Variants in TOMM7 observed in about 807,000 individuals in gnomAD.
The protein encoded by TOMM7 is translocase of outer mitochondrial membrane 7.
A neutral mutation model predicts 9.5 loss-of-function variants in TOMM7; 8 were observed. The observed-to-expected ratio is 0.84, with a 90% CI of 0.49 to 1.51. The LOEUF is 1.51. TOMM7 is among the 40% of genes most tolerant of loss of function. The pLI is 0.00. For missense variants in TOMM7, 74 were observed against 63.7 expected (o/e 1.16, Z -0.55); for synonymous variants, 27 against 21.4 (o/e 1.26, Z -0.72).
At chr7:22,817,922 A>G (rs187790767) in intron 2 of TOMM7, 78 bp downstream of exon 2, 9 of 1,410,448 alleles carry the variant, frequency 6.4e-6, no homozygotes, top group Non-Finnish European at 9.0e-6. Context: ...GCCTGCCACT[A>G]TTACTCTTTT....
intron 2 of TOMM7, chr7:22,817,592 T>C (rs535692453): frequency 8.0e-4 from 147 of 184,526 alleles, no homozygotes; most frequent in Non-Finnish European, 9.4e-4. Context: ...TACTGAAAAA[T>C]TGAAAAACCT....
At chr7:22,820,805 G>A (rs928044103) in intron 1 of TOMM7, among the ~76,000 whole-genome samples, 1 of 152,026 alleles carries the variant, frequency 6.6e-6, no homozygotes, top group African/African-American at 2.4e-5. Flanking sequence ...GAAAAGTAAT[G>A]TTTTTTTAAA....
intron 2 of TOMM7, 61 bp downstream of exon 2, chr7:22,817,939 T>C: frequency 1.3e-6 from 2 of 1,489,320 alleles, no homozygotes; most frequent in Non-Finnish European, 1.9e-6. Flanking sequence ...TTTTACATCT[T>C]AGTGATTCAG....
At chr7:22,814,207 G>A (rs1443309191) in intron 2 of TOMM7, among the ~76,000 whole-genome samples, 1 of 151,032 alleles carries the variant, frequency 6.6e-6, no homozygotes, top group African/African-American at 2.4e-5. Context: ...AAAATTAGCC[G>A]GACTTGGTGG....
chr7:22,813,381 T>G (rs1223294404), intron 2 of TOMM7, among the ~76,000 whole-genome samples, 196 bp from the exon 3 acceptor site: 1 of 152,170 alleles, frequency 6.6e-6, no homozygotes, highest in Non-Finnish European at 1.5e-5. Flanking sequence ...ACTTTTCTTT[T>G]GAGCACAGTT....
chr7:22,822,017 A>G, intron 1 of TOMM7: 6 of 1,099,920 alleles, frequency 5.5e-6, no homozygotes, highest in Non-Finnish European at 7.5e-6. Flanking sequence ...AAAACCAAAA[A>G]AACCCCAAAT....
chr7:22,817,411 CTT>C (rs752811909), intron 2 of TOMM7: 34 of 151,580 alleles, frequency 2.2e-4, no homozygotes, highest in South Asian at 1.5e-3. Context: ...TAATTATTTA[CTT>C]TTTTTTTTTT....
intron 2 of TOMM7, among the ~76,000 whole-genome samples, chr7:22,814,931 C>T (rs1009084897): frequency 3.9e-5 from 6 of 152,144 alleles, no homozygotes; most frequent in African/African-American, 9.7e-5. Context: ...AAAACCATAG[C>T]AGGTATAATT....
At chr7:22,818,121 T>G (rs192906615) in intron 1 of TOMM7, 73 bp from the exon 2 acceptor site, 1 of 1,443,056 alleles carries the variant, frequency 6.9e-7, no homozygotes, top group African/African-American at 1.4e-5. Flanking sequence ...CAATCAAGAC[T>G]TTTTCTTCTT....
rs192820829 is a variant in TOMM7 at position 22,814,806 on chromosome 7, G to A, written c.153-1621C>T. Reference sequence around the variant, plus strand: ...CTCAAACAACCCAACAACCTGGCAAGGGAAACAAACTAGTAGATAATTAAC... The same window carrying A: ...CTCAAACAACCCAACAACCTGGCAAAGGAAACAAACTAGTAGATAATTAAC... On this transcript the variant is annotated intron_variant, in intron 2 of 2. Coordinates refer to ENST00000358435, the MANE Select transcript of TOMM7 (RefSeq NM_019059.5). 2.9e-3 allele frequency among the ~76,000 whole-genome samples: 436 copies of A among 152,162 alleles called. 2 individuals carry two copies. Among genetic ancestry groups the A allele is most frequent in the African/African-American group, 9.8e-3 (407 of 41,518 alleles).
At chr7:22,820,772 CCATA>C (rs1041368183) in intron 1 of TOMM7, among the ~76,000 whole-genome samples, 40 of 152,000 alleles carry the variant, frequency 2.6e-4, no homozygotes, top group Non-Finnish European at 2.9e-4. Flanking sequence ...TCCTTGGTAC[CCATA>C]CAAAGTCACT....
At chr7:22,814,429 G>A (rs957008344) in intron 2 of TOMM7, among the ~76,000 whole-genome samples, 5 of 151,570 alleles carry the variant, frequency 3.3e-5, no homozygotes, top group African/African-American at 1.2e-4. Context: ...TGAGGTGGGA[G>A]GACCACCTGA....
intron 1 of TOMM7, among the ~76,000 whole-genome samples, chr7:22,820,619 C>A (rs1443104946): frequency 6.6e-6 from 1 of 152,164 alleles, no homozygotes; most frequent in Non-Finnish European, 1.5e-5. Context: ...CAAGCTTCCA[C>A]ACCTCTCTTA....
chr7:22,822,847 A>G lies in TOMM7; in HGVS notation c.-68T>C. On this transcript the variant is annotated 5_prime_UTR_variant, in exon 1 of 3. Transcript: ENST00000358435. Reference sequence around the variant, plus strand: ...ACAGCGTCGGGAATCCGAAAGGGAAAGGAGGTGCGCAGGCGCCACACACGG... The same window carrying G: ...ACAGCGTCGGGAATCCGAAAGGGAAGGGAGGTGCGCAGGCGCCACACACGG... 7.4e-7 allele frequency: 1 copy of G among 1,354,534 alleles called. No homozygotes were observed. Among genetic ancestry groups the G allele is most frequent in the Non-Finnish European group, 1.1e-6 (1 of 945,994 alleles). The allele number at this position is 1,354,534 out of a possible 1,614,324, so 83.9% of individuals were successfully genotyped here.
intron 1 of TOMM7, among the ~76,000 whole-genome samples, chr7:22,820,904 A>G (rs773113173): frequency 1.5e-3 from 232 of 152,314 alleles, no homozygotes; most frequent in Non-Finnish European, 2.8e-3. Flanking sequence ...GGAGAAATAG[A>G]AACCACAGCT....
intron 1 of TOMM7, chr7:22,818,445 A>AT (rs1782344592): frequency 1.3e-5 from 2 of 159,328 alleles, no homozygotes; most frequent in Admixed American, 6.3e-5. Context: ...ACCCAGCTAA[A>AT]TTTTTTTGTA....
At chr7:22,822,529 G>C (rs1284478458) in intron 1 of TOMM7, 148 bp downstream of exon 1, 6 of 776,416 alleles carry the variant, frequency 7.7e-6, no homozygotes, top group Non-Finnish European at 1.3e-5. Flanking sequence ...ACTCAGGTTA[G>C]ATCGGCCCCA....
intron 1 of TOMM7, chr7:22,822,014 A>G: frequency 9.2e-7 from 1 of 1,089,068 alleles, no homozygotes. Flanking sequence ...ACAAAAACCA[A>G]AAAAACCCCA....
chr7:22,822,686 T>C lies in TOMM7; in HGVS notation c.94A>G (p.Ile32Val). 2.5e-6 allele frequency: 4 copies of C among 1,613,622 alleles called. No individual in the cohort carries two copies. Among genetic ancestry groups the C allele is most frequent in the Non-Finnish European group, 2.5e-6 (3 of 1,179,624 alleles). Residue 32 changes from isoleucine (I) to valine (V), a missense_variant, in exon 1 of 3, where the codon ATT (isoleucine) becomes GTT (valine). Ile to Val is a conservative substitution (Grantham distance 29). Coordinates refer to ENST00000358435, the MANE Select transcript of TOMM7 (RefSeq NM_019059.5). ...TTCTTCTCCCACTGACCCAGGTAAA[T>C]CACAAGAGGGATAAAGCCCCAGCGA... Reference protein sequence around the residue: ...AIRWGFIPLVIYLGFKRGADP... With the variant: ...AIRWGFIPLVVYLGFKRGADP...
Sources: allele counts gnomAD v4.1 joint callset (sites outside exome capture counted in the v4.1 genomes callset), GRCh38; gene constraint gnomAD v4.1.1; transcripts MANE v1.5; gene names NCBI Gene and HGNC (gene_info 2026-07-23, HGNC 2026-07-21).